EML6: variants seen among roughly 807,000 people sequenced by gnomAD.
EML6 encodes EMAP like 6, also known as echinoderm microtubule-associated protein-like 6.
In EML6, 154 loss-of-function variants were observed where a neutral mutation model predicts 240.1. That is an observed-to-expected ratio of 0.64 (90% CI 0.56 to 0.73). The LOEUF (loss-of-function observed/expected upper bound fraction) is 0.73. EML6 is among the 30% of genes least tolerant of loss of function. The probability of loss-of-function intolerance (pLI) is 0.00; values close to 1 mark genes in which losing one functional copy is unlikely to be tolerated. For synonymous variants in EML6, 1,148 were observed against 899.0 expected, an observed-to-expected ratio of 1.28 and a Z score of -4.95; for missense variants, 2,964 against 2,474.6, an observed-to-expected ratio of 1.20 and a Z score of -4.20.
At chr2:54,824,847 G>A (rs1470331370) in intron 5 of EML6, among the ~76,000 whole-genome samples, 1 of 152,292 alleles carries the variant, frequency 6.6e-6, no homozygotes, top group East Asian at 1.9e-4. Context: ...GGTAGAGACT[G>A]CAGAAGATAA....
intron 30 of EML6, 23 bp downstream of exon 30, chr2:54,950,802 A>G: frequency 6.5e-7 from 1 of 1,542,748 alleles, no homozygotes; most frequent in African/African-American, 1.4e-5. Context: ...TAAAAAATAC[A>G]GGTTTTTCTT....
intron 5 of EML6, among the ~76,000 whole-genome samples, chr2:54,826,930 T>C (rs1437609594): frequency 6.6e-6 from 1 of 152,186 alleles, no homozygotes; most frequent in Non-Finnish European, 1.5e-5. Context: ...TCTAGCACTT[T>C]GGGAGGCCGA....
At chr2:54,918,436 C>A (rs746129382) in intron 26 of EML6, among the ~76,000 whole-genome samples, 6 of 152,180 alleles carry the variant, frequency 3.9e-5, no homozygotes, top group Non-Finnish European at 5.9e-5. Context: ...GCAGCCTCTA[C>A]CTTCTAGACT....
chr2:54,930,997 G>A (rs1233376377), intron 28 of EML6, among the ~76,000 whole-genome samples: 1 of 121,320 alleles, frequency 8.2e-6, no homozygotes, highest in African/African-American at 3.2e-5. Flanking sequence ...TCGCTCTGTC[G>A]CCCAGGCTGG....
At chr2:54,758,565 C>T (rs551962755) in intron 2 of EML6, among the ~76,000 whole-genome samples, 2 of 152,110 alleles carry the variant, frequency 1.3e-5, no homozygotes, top group East Asian at 1.9e-4. Context: ...CTGTATTGTC[C>T]CCTAGTATAT....
At position 54,792,046 on chromosome 2, in the gene EML6, C is replaced by T. The variant is rs117931448; in HGVS notation, c.198-21186C>T. On this transcript the variant is annotated intron_variant, in intron 2 of 41. Transcript: ENST00000356458. ...AAGCAGACATCAGAATGCGCCTGGACCTCCCAAAGTCATCTGGTTTTCTTC... is the reference window on the plus strand; with the variant it reads ...AAGCAGACATCAGAATGCGCCTGGATCTCCCAAAGTCATCTGGTTTTCTTC... Among the ~76,000 whole-genome samples the T allele has an allele frequency of 6.6e-5, 10 of 152,288 alleles. No individual in the cohort carries two copies. The East Asian group carries it at 1.5e-3, about 24-fold the overall frequency.
intron 14 of EML6, 84 bp downstream of exon 14, chr2:54,866,968 C>G (rs956563310): frequency 4.1e-5 from 30 of 730,358 alleles, no homozygotes; most frequent in Non-Finnish European, 7.1e-5. Context: ...CTTAAGGGAT[C>G]CCCTCCCCTC....
chr2:54,943,324 C>T (rs904221314), intron 28 of EML6, among the ~76,000 whole-genome samples: 3 of 152,190 alleles, frequency 2.0e-5, no homozygotes, highest in African/African-American at 7.2e-5. Flanking sequence ...GCCCCGGCCT[C>T]CTGTCCATCC....
At chr2:54,954,380 G>A (rs1676132105) in intron 32 of EML6, among the ~76,000 whole-genome samples, 1 of 152,146 alleles carries the variant, frequency 6.6e-6, no homozygotes, top group Non-Finnish European at 1.5e-5. Context: ...GGACTCCAGG[G>A]CCCATTAGTG....
At chr2:54,889,251 G>A (rs1033118338) in intron 17 of EML6, among the ~76,000 whole-genome samples, 2 of 151,934 alleles carry the variant, frequency 1.3e-5, no homozygotes, top group East Asian at 1.9e-4. Flanking sequence ...CTGCTTTTCT[G>A]TTTCCGTTTT....
At chr2:54,916,325 T>C (rs1185434941) in intron 25 of EML6, among the ~76,000 whole-genome samples, 4 of 152,204 alleles carry the variant, frequency 2.6e-5, no homozygotes, top group Non-Finnish European at 5.9e-5. Context: ...AAGGGTATGC[T>C]ACTGGCATCC....
At chr2:54,950,508 A>G in intron 29 of EML6, 142 bp from the exon 30 acceptor site, 2 of 894,906 alleles carry the variant, frequency 2.2e-6, no homozygotes, top group South Asian at 2.0e-5. Context: ...TCAAGAAGCA[A>G]AATGTTTTCA....
At chr2:54,875,051 G>T (rs1232418938) in intron 16 of EML6, among the ~76,000 whole-genome samples, 1 of 152,158 alleles carries the variant, frequency 6.6e-6, no homozygotes, top group East Asian at 1.9e-4. Flanking sequence ...CTTGGCAAGA[G>T]TGTCATACCT....
chr2:54,868,465 T>C (rs949957386), intron 14 of EML6: 1 of 152,206 alleles, frequency 6.6e-6, no homozygotes, highest in Non-Finnish European at 1.5e-5. Flanking sequence ...CTCATTTTTG[T>C]ATAGATGTAA....
At position 54,959,335 on chromosome 2, in the gene EML6, A is replaced by G. The variant is rs1267057238; in HGVS notation, c.4853+74A>G. The G allele has an allele frequency of 4.3e-6, 6 of 1,400,738 alleles. No individual in the cohort carries two copies. In the Admixed American group the frequency reaches 1.6e-4, roughly 37 times the overall value. 86.8% of individuals were successfully genotyped at this position (1,400,738 alleles called of 1,614,324 possible). Reference sequence around the variant, plus strand: ...GGAGAAACTGACAAAAGTGTTCCCAACTTGGAGAAAATGCAGACTGTCATC... The same window carrying G: ...GGAGAAACTGACAAAAGTGTTCCCAGCTTGGAGAAAATGCAGACTGTCATC... On this transcript the variant is annotated intron_variant, in intron 34 of 41. Transcript: ENST00000356458.
rs1292218919 is a variant in EML6 at position 54,899,782 on chromosome 2, G to C, written c.3124G>C (p.Gly1042Arg). The change falls in exon 22 of 42, where the codon GGT becomes CGT. Residue 1042 changes from glycine to arginine, a missense_variant and splice_region_variant. Gly to Arg is a moderately radical substitution (Grantham distance 125, BLOSUM62 -2). Coordinates refer to ENST00000356458, the MANE Select transcript of EML6 (RefSeq NM_001039753.4). ...GCTGGCAGTACGGAAACTCAAAAAA[G>C]GTACATAACACCACCTTACACATCT... Reference protein sequence around the residue: ...RMLAVRKLKKGGRCCAFSPDG... With the variant: ...RMLAVRKLKKRGRCCAFSPDG... 6.5e-7 allele frequency: 1 copy of C among 1,549,876 alleles called. No homozygotes were observed. The highest frequency in any genetic ancestry group is 8.7e-7 in the Non-Finnish European group (1 of 1,146,162).
At chr2:54,843,853 A>G (rs1412671506) in intron 7 of EML6, among the ~76,000 whole-genome samples, 194 bp from the exon 8 acceptor site, 1 of 151,486 alleles carries the variant, frequency 6.6e-6, no homozygotes, top group South Asian at 2.1e-4. Context: ...TCAAAAAAAA[A>G]AAAAAAAAAA....
intron 17 of EML6, among the ~76,000 whole-genome samples, chr2:54,889,365 A>T: frequency 6.6e-6 from 1 of 151,806 alleles, no homozygotes; most frequent in East Asian, 1.9e-4. Flanking sequence ...TATTGGAACT[A>T]AGTTGAATTT....
At chr2:54,795,288 G>A (rs990849034) in intron 2 of EML6, among the ~76,000 whole-genome samples, 4 of 152,168 alleles carry the variant, frequency 2.6e-5, no homozygotes, top group Admixed American at 2.0e-4. Context: ...TGTCTCACAT[G>A]TGGCAGGAGA....
Sources: allele counts gnomAD v4.1 joint callset (sites outside exome capture counted in the v4.1 genomes callset), GRCh38; gene constraint gnomAD v4.1.1; transcripts MANE v1.5; gene names NCBI Gene and HGNC (gene_info 2026-07-23, HGNC 2026-07-21).